Variants in PIK3C2G observed in about 807,000 individuals in gnomAD.
PIK3C2G encodes the protein phosphatidylinositol 3-kinase C2 domain-containing subunit gamma.
Under a neutral mutation model 181.1 loss-of-function variants are expected in PIK3C2G, and 168 were observed. The observed-to-expected ratio is 0.93, with a 90% CI of 0.82 to 1.05. PIK3C2G has a LOEUF of 1.05. Among genes scored for constraint, PIK3C2G ranks in the 50% least tolerant of loss-of-function variants. The pLI is 0.00. For missense variants in PIK3C2G, 1,869 were observed against 1,732.8 expected, an observed-to-expected ratio of 1.08 and a Z score of -1.40; for synonymous variants, 573 against 592.2, an observed-to-expected ratio of 0.97 and a Z score of 0.47.
At chr12:18,551,387 C>T (rs1178983803) in intron 26 of PIK3C2G, among the ~76,000 whole-genome samples, 2 of 152,094 alleles carry the variant, frequency 1.3e-5, no homozygotes, top group African/African-American at 4.8e-5. Context: ...AAGAGCTAAC[C>T]TATTTCACAG....
At chr12:18,587,910 A>G (rs1173822376) in intron 29 of PIK3C2G, among the ~76,000 whole-genome samples, 1 of 151,952 alleles carries the variant, frequency 6.6e-6, no homozygotes, top group Non-Finnish European at 1.5e-5. Flanking sequence ...AAAAAGACAT[A>G]TATATCAATA....
At chr12:18,350,041 A>G (rs1940077247) in intron 11 of PIK3C2G, among the ~76,000 whole-genome samples, 1 of 152,182 alleles carries the variant, frequency 6.6e-6, no homozygotes, top group Admixed American at 6.5e-5. Flanking sequence ...GCTGAAAACT[A>G]TAAAGAAGCA....
Position 18,282,444 on chromosome 12 carries a change from T to C in PIK3C2G, c.363T>C (p.Asn121=). ...PSVLPKPQNT[N]KECSWGSPIG... ...TGTTACCAAAACCTCAAAATACGAA[T>C]AAAGAATGCTCCTGGGGAAGCCCCA... Residue 121 remains asparagine (N), a synonymous_variant, in exon 2 of 33, where the codon AAT becomes AAC. Transcript: ENST00000538779. The C allele has an allele frequency of 6.2e-7, 1 of 1,606,948 alleles. No individual in the cohort carries two copies. Among genetic ancestry groups the C allele is most frequent in the Non-Finnish European group, 8.5e-7 (1 of 1,176,342 alleles).
chr12:18,258,164 T>C, upstream of PIK3C2G, among the ~76,000 whole-genome samples: 1 of 152,204 alleles, frequency 6.6e-6, no homozygotes, highest in East Asian at 1.9e-4. Context: ...CAGATGATTG[T>C]TCAATCTACT....
Position 18,282,737 on chromosome 12 carries a change from G to A in PIK3C2G, c.656G>A (p.Ser219Asn). ...KGSLQPGMWE[S>N]TWQKNIESIG... is the part of the protein sequence containing the mutation. ...TCTCTTCAACCCGGAATGTGGGAAA[G>A]TACATGGCAGAAGAATATAGAGGTA... Residue 219 changes from serine (S) to asparagine (N), a missense_variant, in exon 2 of 33, where the codon AGT becomes AAT. Physicochemically the swap from Ser to Asn is conservative, Grantham distance 46. Coordinates refer to ENST00000538779, the MANE Select transcript of PIK3C2G (RefSeq NM_001288772.2). 1 of 1,604,936 alleles carries A rather than the reference G, an allele frequency of 6.2e-7. No homozygotes were observed. Among genetic ancestry groups the A allele is most frequent in the Non-Finnish European group, 8.5e-7 (1 of 1,176,152 alleles).
At chr12:18,553,246 T>C (rs1944826573) in intron 26 of PIK3C2G, among the ~76,000 whole-genome samples, 1 of 152,176 alleles carries the variant, frequency 6.6e-6, no homozygotes, top group Non-Finnish European at 1.5e-5. Flanking sequence ...TACTGTTGCA[T>C]GTTAAGATTT....
the PIK3C2G span, among the ~76,000 whole-genome samples, chr12:18,704,761 G>A: frequency 6.6e-6 from 1 of 152,142 alleles, no homozygotes; most frequent in Non-Finnish European, 1.5e-5. Context: ...CAGGGAAATT[G>A]AAAAGAGTAG....
At chr12:18,251,701 T>G (rs534370087) in intron 1 of PIK3C2G, among the ~76,000 whole-genome samples, 2 of 152,188 alleles carry the variant, frequency 1.3e-5, no homozygotes, top group South Asian at 4.1e-4. Flanking sequence ...ATTTGGATTC[T>G]TAAAAATTAA....
chr12:18,294,072 T>G, intron 5 of PIK3C2G, 57 bp downstream of exon 5: 1 of 754,958 alleles, frequency 1.3e-6, no homozygotes. Context: ...AAGTTACCAC[T>G]TGTTTATGGT....
chr12:18,295,931 T>G (rs1411669888), intron 5 of PIK3C2G, among the ~76,000 whole-genome samples: 1 of 152,082 alleles, frequency 6.6e-6, no homozygotes, highest in Non-Finnish European at 1.5e-5. Flanking sequence ...CATGGAAATC[T>G]GTTCATAAAG....
Position 18,404,331 on chromosome 12 carries a change from T to C in PIK3C2G, c.2315+4484T>C, listed in dbSNP as rs189214282. Among the ~76,000 whole-genome samples, 663 of 152,244 alleles carry C rather than the reference T, an allele frequency of 4.4e-3. 3 individuals are homozygous for C. The highest frequency in any genetic ancestry group is 4.7e-3 in the Non-Finnish European group (317 of 68,018). On this transcript the variant is annotated intron_variant, in intron 16 of 32. Transcript: ENST00000538779. ...TCCATTTATTTATTGAACAAAAATA[T>C]GTGTACAGACAAATTGGTAGGCACT...
chr12:18,371,052 A>T (rs985538740), intron 12 of PIK3C2G, 128 bp from the exon 13 acceptor site: 25 of 680,252 alleles, frequency 3.7e-5, no homozygotes, highest in African/African-American at 5.6e-5. Flanking sequence ...TAAACAAAAA[A>T]TTTCAAGAGG....
chr12:18,546,189 T>G (rs770135263), intron 25 of PIK3C2G, 134 bp from the exon 26 acceptor site: 12 of 604,504 alleles, frequency 2.0e-5, no homozygotes, highest in Non-Finnish European at 8.9e-6. Context: ...TATGCATTCG[T>G]GTATATAAAC....
At chr12:18,534,683 A>G (rs1395843511) in intron 24 of PIK3C2G, among the ~76,000 whole-genome samples, 1 of 40,990 alleles carries the variant, frequency 2.4e-5, no homozygotes, top group South Asian at 1.9e-3. Context: ...CATACGGGTC[A>G]TTTGGATTAA....
chr12:18,465,916 G>A (rs1047402438), intron 18 of PIK3C2G, among the ~76,000 whole-genome samples: 3 of 150,844 alleles, frequency 2.0e-5, no homozygotes, highest in Admixed American at 6.6e-5. Context: ...AGATCTACTC[G>A]CTCTATTTTA....
intron 29 of PIK3C2G, among the ~76,000 whole-genome samples, chr12:18,577,237 G>A (rs932532822): frequency 2.0e-5 from 3 of 152,158 alleles, no homozygotes; most frequent in African/African-American, 7.2e-5. Flanking sequence ...AAGGTTTTTT[G>A]TAAAGGTGTA....
chr12:18,409,238 T>C (rs986563582), intron 16 of PIK3C2G, among the ~76,000 whole-genome samples: 8 of 152,168 alleles, frequency 5.3e-5, no homozygotes, highest in Non-Finnish European at 5.9e-5. Flanking sequence ...TGAGTTCATG[T>C]CCTTTGCAGG....
At chr12:18,582,980 C>T (rs1386440129) in intron 29 of PIK3C2G, among the ~76,000 whole-genome samples, 2 of 152,084 alleles carry the variant, frequency 1.3e-5, no homozygotes, top group Admixed American at 6.5e-5. Context: ...TCTTTCACAG[C>T]TTTAGCTGTT....
At position 18,367,729 on chromosome 12, in the gene PIK3C2G, T is replaced by A. The variant is rs186842463; in HGVS notation, c.1749-3451T>A. Among the ~76,000 whole-genome samples, 885 of 152,088 alleles carry A rather than the reference T, an allele frequency of 5.8e-3. 20 individuals carry two copies. Among genetic ancestry groups the A allele is most frequent in the East Asian group, 0.02 (102 of 5,130 alleles). On this transcript the variant is annotated intron_variant, in intron 12 of 32. Coordinates refer to ENST00000538779, the MANE Select transcript of PIK3C2G (RefSeq NM_001288772.2). Reference sequence around the variant, plus strand: ...ATGTGCCACCACGCCTGGCTAATTATGTATTTTTAGTACAGACAGGGTTTC... The same window carrying A: ...ATGTGCCACCACGCCTGGCTAATTAAGTATTTTTAGTACAGACAGGGTTTC...
Sources: allele counts gnomAD v4.1 joint callset (sites outside exome capture counted in the v4.1 genomes callset), GRCh38; gene constraint gnomAD v4.1.1; transcripts MANE v1.5; gene names NCBI Gene and HGNC (gene_info 2026-07-23, HGNC 2026-07-21).